Variants in UBR4 observed in about 807,000 individuals in gnomAD.
UBR4 encodes E3 ubiquitin-protein ligase UBR4.
UBR4 carries 124 observed loss-of-function variants against 575.6 expected under a neutral mutation model. The observed-to-expected ratio is 0.22, with a 90% CI of 0.19 to 0.25. The LOEUF is 0.25. UBR4 is among the 10% of genes least tolerant of loss of function. UBR4 has a pLI of 1.00. For synonymous variants in UBR4, 2,455 were observed against 2,473.7 expected, an observed-to-expected ratio of 0.99 and a Z score of 0.22; for missense variants, 4,818 against 6,478.8, an observed-to-expected ratio of 0.74 and a Z score of 8.80.
intron 65 of UBR4, 81 bp from the exon 66 acceptor site, chr1:19,123,141 T>C (rs922614367): frequency 2.8e-6 from 4 of 1,453,362 alleles, no homozygotes; most frequent in Admixed American, 2.0e-5. Flanking sequence ...CCCTGGGTTT[T>C]AATAAACTGT....
rs1173201382 is a variant in UBR4, at chr1:19,151,797, C to T, written c.7059G>A (p.Arg2353=). ...CTATTGCTTGAGTCCCAATCTGGAT[C>T]CGCATGCCTGTCATCACCATAGTGC... ...NNSTMVMTGM[R]IQIGTQAIER... is the part of the protein sequence containing the mutation. The change falls in exon 48 of 106, where the codon CGG becomes CGA. Residue 2353 remains arginine, a synonymous_variant. Transcript: ENST00000375254. 6.2e-7 allele frequency: 1 copy of T among 1,614,098 alleles called. No homozygotes were observed. The highest frequency in any genetic ancestry group is 1.7e-5 in the Admixed American group (1 of 60,016).
At chr1:19,144,952 TCTAA>T in intron 53 of UBR4, 45 bp from the exon 54 acceptor site, 5 of 1,610,096 alleles carry the variant, frequency 3.1e-6, no homozygotes, top group Non-Finnish European at 4.2e-6. Context: ...AGGAAAAAAC[TCTAA>T]CTACTTGAGA....
rs778543655 is a variant in UBR4 at position 19,167,069 on chromosome 1, C to T, written c.4062G>A (p.Leu1354=). ...CCAGAATGTTGTAACAACCAGTGAT[C>T]AGCTTCTCATAAACACGAGCCAAGA... ...DEFLARVYEK[L]ITGCYNILAN... is the part of the protein sequence containing the mutation. The change falls in exon 29 of 106, where the codon CTG becomes CTA. Residue 1354 remains leucine (L), a synonymous_variant. Transcript: ENST00000375254. The T allele has an allele frequency of 6.2e-7, 1 of 1,614,080 alleles. No homozygotes were observed. Among genetic ancestry groups the T allele is most frequent in the East Asian group, 2.2e-5 (1 of 44,900 alleles).
chr1:19,163,815 C>T lies in UBR4; in HGVS notation c.4713G>A (p.Leu1571=), dbSNP rs766527638. The part of the protein sequence containing the change: ...VDWLSRCKKY[L]SQKNVVEKLN... ...GTTTTTCAACTACATTCTTCTGTGA[C>T]AGGTATTTCTTGCTGTCCCAAAGAA... Residue 1571 remains leucine, a synonymous_variant, in exon 34 of 106, where the codon CTG becomes CTA. Transcript: ENST00000375254. The T allele has an allele frequency of 1.2e-6, 2 of 1,614,036 alleles. No homozygotes were observed. The highest frequency in any genetic ancestry group is 2.7e-5 in the African/African-American group (2 of 75,004).
intron 99 of UBR4, 138 bp from the exon 100 acceptor site, chr1:19,086,959 A>G: frequency 8.1e-7 from 1 of 1,232,434 alleles, no homozygotes; most frequent in South Asian, 1.6e-5. Context: ...AGTTCAGAAG[A>G]GCAGGTAAGG....
At chr1:19,160,641 CTG>C (rs1270533160) in intron 38 of UBR4, among the ~76,000 whole-genome samples, 2 of 152,158 alleles carry the variant, frequency 1.3e-5, no homozygotes, top group African/African-American at 4.8e-5. Context: ...GTTTTGTTTT[CTG>C]TGTTTCAGAT....
chr1:19,147,103 C>G lies in UBR4; in HGVS notation c.7630-103G>C, dbSNP rs533882704. On this transcript the variant is annotated intron_variant, in intron 51 of 105. Coordinates refer to ENST00000375254, the MANE Select transcript of UBR4 (RefSeq NM_020765.3). The stretch of plus-strand genomic sequence containing the variant: ...CAGATCACCAGGATTATTACCTCCT[C>G]TCAAGAGAACAGGCCAATGAACACC... 9.9e-6 allele frequency: 13 copies of G among 1,317,104 alleles called. No homozygotes were observed. In the South Asian group the frequency reaches 2.2e-4, roughly 22 times the overall value. 81.6% of individuals were successfully genotyped at this position (1,317,104 alleles called of 1,614,324 possible).
intron 105 of UBR4, 83 bp downstream of exon 105, chr1:19,076,657 A>G (rs748500844): frequency 6.3e-7 from 1 of 1,584,912 alleles, no homozygotes; most frequent in Non-Finnish European, 8.6e-7. Context: ...CTGGTCGTGA[A>G]GATAAAGCTA....
Position 19,158,108 on chromosome 1 carries a change from C to T in UBR4, c.5578-111G>A, listed in dbSNP as rs142083068. ...ACTGCACAATTCAGTCATTCAAAAG[C>T]AGTGATTTCGGCCTCCAAACCGTGG... On this transcript the variant is annotated intron_variant, in intron 39 of 105. Coordinates refer to ENST00000375254, the MANE Select transcript of UBR4 (RefSeq NM_020765.3). The T allele has an allele frequency of 1.3e-5, 16 of 1,253,268 alleles. No homozygotes were observed. In the African/African-American group the frequency reaches 2.1e-4, roughly 16 times the overall value. The allele number at this position is 1,253,268 out of a possible 1,614,324, so 77.6% of individuals were successfully genotyped here.
At chr1:19,184,695 A>G (rs925698944) in intron 15 of UBR4, among the ~76,000 whole-genome samples, 1 of 152,204 alleles carries the variant, frequency 6.6e-6, no homozygotes, top group Non-Finnish European at 1.5e-5. Context: ...GACACTTACT[A>G]GATAATACTA....
At chr1:19,079,090 A>G (rs1473714711) in intron 103 of UBR4, 1 of 152,322 alleles carries the variant, frequency 6.6e-6, no homozygotes, top group East Asian at 1.9e-4. Flanking sequence ...GACATATATT[A>G]AAATGTTTAG....
At chr1:19,169,978 G>C (rs923085277) in intron 26 of UBR4, among the ~76,000 whole-genome samples, 1 of 152,196 alleles carries the variant, frequency 6.6e-6, no homozygotes, top group East Asian at 1.9e-4. Context: ...TACAAAGTGA[G>C]ACTATCTGAA....
intron 71 of UBR4, chr1:19,118,549 C>T: frequency 4.1e-6 from 1 of 245,572 alleles, no homozygotes; most frequent in South Asian, 7.7e-5. Flanking sequence ...GCCTCCCCAG[C>T]AGCTGGGACC....
Position 19,155,487 on chromosome 1 carries a change from G to C in UBR4, c.6254C>G (p.Pro2085Arg). 1 of 1,614,098 alleles carries C rather than the reference G, an allele frequency of 6.2e-7. No homozygotes were observed. Among genetic ancestry groups the C allele is most frequent in the Non-Finnish European group, 8.5e-7 (1 of 1,180,016 alleles). ...MEEASSAQQG[P>R]FYVTNVLEIN... ...TTCCAACACATTAGTGACATAGAAG[G>C]GTCCCTGCTGGGCACTGCTGGCCTC... is the stretch of plus-strand genomic sequence containing the variant. Residue 2085 changes from proline to arginine, a missense_variant, in exon 43 of 106, where the codon CCC (proline) becomes CGC (arginine). This residue lies in a region of UBR4 where 461 missense variants were observed against 606.9 expected (regional missense o/e 0.76). Coordinates refer to ENST00000375254, the MANE Select transcript of UBR4 (RefSeq NM_020765.3).
chr1:19,095,395 G>A, intron 93 of UBR4, 150 bp downstream of exon 93: 1 of 762,706 alleles, frequency 1.3e-6, no homozygotes, highest in Non-Finnish European at 2.1e-6. Flanking sequence ...AAGGGCAGCT[G>A]AATGACCCAA....
In UBR4 at chr1:19,099,585, G is replaced by A. The variant is rs1249333405; in HGVS notation, c.13302+12C>T. ...TGAAACCACACCTCCAAACGAGAAA[G>A]CAGGCACATACCTCATTCGTGGTAC... On this transcript the variant is annotated intron_variant, in intron 90 of 105. Coordinates refer to ENST00000375254, the MANE Select transcript of UBR4 (RefSeq NM_020765.3). The A allele has an allele frequency of 6.2e-7, 1 of 1,611,588 alleles. No individual in the cohort carries two copies. Among genetic ancestry groups the A allele is most frequent in the Non-Finnish European group, 8.5e-7 (1 of 1,178,576 alleles).
Position 19,157,850 on chromosome 1 carries a change from G to A in UBR4, c.5725C>T (p.Arg1909Cys), listed in dbSNP as rs1306164698. The change falls in exon 40 of 106, where the codon CGC (arginine) becomes TGC (cysteine). Residue 1909 changes from arginine (R) to cysteine (C), a missense_variant. By Grantham distance (180) the Arg-to-Cys change is radical. Coordinates refer to ENST00000375254, the MANE Select transcript of UBR4 (RefSeq NM_020765.3). This position sits in a 1 kb window ranked among gnomAD's most constrained non-coding sequence, Gnocchi z 4.4. ...TCATGGCTGACAGCCAAATGTTGGC[G>A]GCGCCCATGGGGAGAGGAGAGCACA... The part of the protein sequence containing the change: ...MCVLSSPHGR[R>C]QHLAVSHEKG... 1.2e-6 allele frequency: 2 copies of A among 1,614,176 alleles called. No individual in the cohort carries two copies. Among genetic ancestry groups the A allele is most frequent in the Admixed American group, 1.7e-5 (1 of 60,028 alleles).
In UBR4 at chr1:19,187,177, G is replaced by A. The variant is rs908203727; in HGVS notation, c.1619C>T (p.Thr540Ile). The A allele has an allele frequency of 6.2e-7, 1 of 1,609,552 alleles. No individual in the cohort carries two copies. Among genetic ancestry groups the A allele is most frequent in the African/African-American group, 1.3e-5 (1 of 74,720 alleles). The change falls in exon 13 of 106, where the codon ACT becomes ATT. Residue 540 changes from threonine (T) to isoleucine (I), a missense_variant. Thr to Ile is a moderately conservative substitution (Grantham distance 89). Around this residue, in one of 29 missense-constraint regions of UBR4, gnomAD observed 162 missense variants for 216.4 expected, o/e 0.75. Transcript: ENST00000375254. ...ACTCCCACCCACCTTTCTGTAGGAA[G>A]TTGAAAGTAACGTCAAGAGCAGGTT... ...LMNLLLTLLS[T>I]SYRKACVLQR...
intron 39 of UBR4, among the ~76,000 whole-genome samples, chr1:19,159,226 C>A (rs1302350156): frequency 6.6e-6 from 1 of 152,196 alleles, no homozygotes; most frequent in Non-Finnish European, 1.5e-5. Flanking sequence ...GAATCGCCAC[C>A]ACTTTACTTT....
Sources: gnomAD v4.1 joint callset for allele counts (sites outside exome capture counted in the v4.1 genomes callset) on GRCh38, gnomAD v4.1.1 for gene constraint, gnomAD v4.1.1 regional missense constraint, Gnocchi (gnomAD v3.1) non-coding constraint, MANE v1.5 for transcripts, NCBI Gene and HGNC (gene_info 2026-07-23, HGNC 2026-07-21) for gene names.